ADGRG1: variants seen among roughly 807,000 people sequenced by gnomAD.
ADGRG1 encodes the protein adhesion G protein-coupled receptor G1.
ADGRG1 carries 53 observed loss-of-function variants against 73.5 expected under a neutral mutation model. The observed-to-expected ratio is 0.72, with a 90% confidence interval of 0.58 to 0.91. The LOEUF (loss-of-function observed/expected upper bound fraction) is 0.91, where lower values mean the gene tolerates loss of function less well. Ranked by LOEUF, ADGRG1 falls within the 40% of genes least tolerant of loss-of-function variation. ADGRG1 has a pLI of 0.00. For missense variants in ADGRG1, 795 were observed against 871.8 expected, an observed-to-expected ratio of 0.91 and a Z score of 1.11; for synonymous variants, 394 against 374.4, an observed-to-expected ratio of 1.05 and a Z score of -0.60.
chr16:57,645,435 C>T lies in ADGRG1; in HGVS notation c.-35-4818C>T. On this transcript the variant is annotated intron_variant, in intron 1 of 13. Transcript: ENST00000562631. ...GTCTTTCAGGAAGCCCCTTCCAGGG[C>T]CCCGCTAAATGCTGGGGGAGCCACA... The T allele has an allele frequency of 4.9e-6, 3 of 607,066 alleles. No individual in the cohort carries two copies. In the African/African-American group the frequency reaches 6.2e-5, roughly 13 times the overall value. The allele number at this position is 607,066 out of a possible 1,614,324, so 37.6% of individuals were successfully genotyped here. A position where few individuals can be genotyped will look rare whatever the true frequency, so the allele number is the denominator to read the frequency against.
intron 1 of ADGRG1, chr16:57,636,683 C>T (rs1202562559): frequency 2.0e-6 from 2 of 985,180 alleles, no homozygotes; most frequent in Non-Finnish European, 2.4e-6. Context: ...GTGGAGCCTG[C>T]CTGCCCTGGG....
chr16:57,663,407 G>A (rs1168852890), intron 13 of ADGRG1, 45 bp from the exon 14 acceptor site: 4 of 1,610,488 alleles, frequency 2.5e-6, no homozygotes, highest in Admixed American at 1.7e-5. Context: ...GAGGGATGGG[G>A]TGGGGCTCCC....
intron 1 of ADGRG1, chr16:57,647,324 G>C: frequency 3.0e-6 from 3 of 984,706 alleles, no homozygotes; most frequent in Non-Finnish European, 3.6e-6. Flanking sequence ...TTCCCCTCAA[G>C]GTGCTCTGGT....
At chr16:57,638,233 C>T (rs2039857645) in intron 1 of ADGRG1, among the ~76,000 whole-genome samples, 1 of 152,156 alleles carries the variant, frequency 6.6e-6, no homozygotes. Context: ...AGCTTCATGT[C>T]CCAGAGAAAA....
chr16:57,622,946 G>C, upstream of ADGRG1: 1 of 985,432 alleles, frequency 1.0e-6, no homozygotes, highest in Non-Finnish European at 1.2e-6. Flanking sequence ...TGACCCTGGG[G>C]GAGGGAGAAC....
At chr16:57,655,602 G>A (rs2045516709) in intron 6 of ADGRG1, 72 bp downstream of exon 6, 18 of 1,607,402 alleles carry the variant, frequency 1.1e-5, no homozygotes, top group South Asian at 7.7e-5. Flanking sequence ...AAGAAGGCAC[G>A]CAGATGAGCT....
upstream of ADGRG1, among the ~76,000 whole-genome samples, chr16:57,623,337 G>A (rs960171270): frequency 1.5e-4 from 23 of 152,184 alleles, no homozygotes; most frequent in African/African-American, 5.1e-4. Context: ...AAGCTCCAGC[G>A]CTTTTGAAAC....
At chr16:57,652,880 C>A in intron 3 of ADGRG1, 8 of 1,190,532 alleles carry the variant, frequency 6.7e-6, no homozygotes, top group Non-Finnish European at 8.4e-6. Context: ...CCCGCACATC[C>A]CTCCTAAGGA....
At chr16:57,650,655 T>C (rs1453754569) in intron 2 of ADGRG1, 1 of 152,390 alleles carries the variant, frequency 6.6e-6, no homozygotes, top group Non-Finnish European at 1.5e-5. Flanking sequence ...AAATACTTCA[T>C]TGCTGTTAAA....
intron 1 of ADGRG1, among the ~76,000 whole-genome samples, chr16:57,645,594 T>G (rs539416710): frequency 6.6e-6 from 1 of 152,182 alleles, no homozygotes; most frequent in Admixed American, 6.5e-5. Context: ...TCTGACCATC[T>G]CTAAACCAGG....
chr16:57,658,644 G>T (rs1163825724), intron 10 of ADGRG1, among the ~76,000 whole-genome samples: 1 of 152,224 alleles, frequency 6.6e-6, no homozygotes, highest in African/African-American at 2.4e-5. Context: ...AAGGCTGGGG[G>T]TGGAGGCAGA....
At chr16:57,625,595 C>G (rs2035688366), upstream of ADGRG1, 13 of 981,328 alleles carry the variant, frequency 1.3e-5, no homozygotes, top group Non-Finnish European at 1.6e-5. Context: ...TCCCTGGCGT[C>G]TAGACCAGGG....
At chr16:57,634,287 C>A (rs2147427715) in intron 1 of ADGRG1, 1 of 985,362 alleles carries the variant, frequency 1.0e-6, no homozygotes, top group Admixed American at 6.1e-5. Context: ...ACTGCCCAGA[C>A]CCACCTGCTT....
chr16:57,660,529 A>AG (rs1414415363), intron 11 of ADGRG1: 1 of 712,288 alleles, frequency 1.4e-6, no homozygotes, highest in African/African-American at 1.9e-5. Flanking sequence ...AGGGGCCCCC[A>AG]GGGTGACGAA....
intron 6 of ADGRG1, 100 bp downstream of exon 6, chr16:57,655,630 A>G: frequency 6.3e-7 from 1 of 1,593,478 alleles, no homozygotes; most frequent in Non-Finnish European, 8.5e-7. Context: ...CTGGGAGTCA[A>G]AGCCTTTCCT....
At chr16:57,647,323 A>G (rs1450993901) in intron 1 of ADGRG1, 2 of 984,662 alleles carry the variant, frequency 2.0e-6, no homozygotes, top group South Asian at 4.7e-5. Context: ...TTTCCCCTCA[A>G]GGTGCTCTGG....
chr16:57,653,995 G>A lies in ADGRG1; in HGVS notation c.630G>A (p.Gln210=), dbSNP rs534469664. The A allele has an allele frequency of 3.0e-5, 49 of 1,613,926 alleles. No individual in the cohort carries two copies. The highest frequency in any genetic ancestry group is 4.1e-5 in the Non-Finnish European group (48 of 1,180,044). ...PSAAPASQQL[Q]SLESKLTSVR... ...TTCTCCTCCCTGCCAGGCAGTTGCA[G>A]AGCCTGGAGTCGAAACTGACCTCTG... Residue 210 remains glutamine, a synonymous_variant, in exon 5 of 14, where the codon CAG becomes CAA. Transcript: ENST00000562631.
At chr16:57,645,378 C>T (rs1262529860) in intron 1 of ADGRG1, 2 of 926,778 alleles carry the variant, frequency 2.2e-6, no homozygotes, top group Non-Finnish European at 2.6e-6. Flanking sequence ...CACCCCACCA[C>T]CCCCCAACCT....
intron 1 of ADGRG1, chr16:57,639,905 G>A (rs986728583): frequency 5.2e-6 from 5 of 962,104 alleles, no homozygotes; most frequent in East Asian, 1.1e-4. Flanking sequence ...ACCCTGGGGG[G>A]GTCAGATGGT....
Sources: allele counts gnomAD v4.1 joint callset (sites outside exome capture counted in the v4.1 genomes callset), GRCh38; gene constraint gnomAD v4.1.1; transcripts MANE v1.5; gene names NCBI Gene and HGNC (gene_info 2026-07-23, HGNC 2026-07-21).